Variants in EIF4B observed in about 807,000 individuals in gnomAD.
EIF4B encodes the protein eukaryotic translation initiation factor 4B.
Under a neutral mutation model 79.3 loss-of-function variants are expected in EIF4B, and 8 were observed. The ratio of observed to expected loss-of-function variants is 0.10; its 90% CI spans 0.06 to 0.18. The LOEUF (loss-of-function observed/expected upper bound fraction) is 0.18. EIF4B is among the 10% of genes least tolerant of loss of function. The pLI is 1.00. For missense variants in EIF4B, 515 were observed against 792.4 expected, an observed-to-expected ratio of 0.65 and a Z score of 4.20; for synonymous variants, 238 against 274.7, an observed-to-expected ratio of 0.87 and a Z score of 1.32.
rs148135253 is a variant in EIF4B at position 53,009,329 on chromosome 12, G to T, written c.13+2833G>T. On this transcript the variant is annotated intron_variant, in intron 1 of 14. Coordinates refer to ENST00000262056, the MANE Select transcript of EIF4B (RefSeq NM_001417.7). ...ACCTGAGAACAGGAGTTCGAGACCA[G>T]CCTGGCCAACATGGTGAAACCCAGT... Among the ~76,000 whole-genome samples, 70 of 152,068 alleles carry T rather than the reference G, an allele frequency of 4.6e-4. No individual in the cohort carries two copies. The East Asian group carries it at 0.013, about 28-fold the overall frequency.
At chr12:53,036,542 T>G (rs1736791150) in intron 10 of EIF4B, among the ~76,000 whole-genome samples, 1 of 152,050 alleles carries the variant, frequency 6.6e-6, no homozygotes, top group African/African-American at 2.4e-5. Context: ...AAGTAGCTGT[T>G]ATACGACGGG....
chr12:53,009,678 G>T (rs1943030230), intron 1 of EIF4B, among the ~76,000 whole-genome samples: 1 of 152,160 alleles, frequency 6.6e-6, no homozygotes, highest in Admixed American at 6.5e-5. Context: ...ACAGTGAAAT[G>T]GTTTTAAGGG....
At position 53,040,186 on chromosome 12, in the gene EIF4B, G is replaced by T. The variant is rs1304935400; in HGVS notation, c.1799G>T (p.Gly600Val). The change falls in exon 15 of 15, where the codon GGT (glycine) becomes GTT (valine). Residue 600 changes from glycine to valine, a missense_variant. Coordinates refer to ENST00000262056, the MANE Select transcript of EIF4B (RefSeq NM_001417.7). Reference sequence around the variant, plus strand: ...AAGTATGCTGCTCTCTCTGTTGATGGTGAAGATGAAAATGAGGGAGAAGAT... The same window carrying T: ...AAGTATGCTGCTCTCTCTGTTGATGTTGAAGATGAAAATGAGGGAGAAGAT... ...ASKYAALSVD[G>V]EDENEGEDYA... 1.2e-6 allele frequency: 2 copies of T among 1,614,110 alleles called. No individual in the cohort carries two copies. The highest frequency in any genetic ancestry group is 1.7e-6 in the Non-Finnish European group (2 of 1,180,002).
intron 1 of EIF4B, among the ~76,000 whole-genome samples, chr12:53,010,125 C>T (rs954497481): frequency 4.6e-5 from 7 of 152,164 alleles, no homozygotes; most frequent in African/African-American, 7.2e-5. Context: ...GCATGGCATG[C>T]ATTGGGCACT....
In EIF4B at chr12:53,037,748, T is replaced by C. The variant is rs962348872; in HGVS notation, c.1520+126T>C. On this transcript the variant is annotated intron_variant, in intron 11 of 14. Transcript: ENST00000262056. ...CTTATAAGTTATGCTGGCTTTAGTCTCTTAGTGTGCTGGAACTGGCTCATA... is the reference window on the plus strand; with the variant it reads ...CTTATAAGTTATGCTGGCTTTAGTCCCTTAGTGTGCTGGAACTGGCTCATA... 3 of 1,056,870 alleles carry C rather than the reference T, an allele frequency of 2.8e-6. No homozygotes were observed. In the African/African-American group the frequency reaches 4.8e-5, roughly 17 times the overall value. The allele number at this position is 1,056,870 out of a possible 1,614,324, so 65.5% of individuals were successfully genotyped here. A position where few individuals can be genotyped will look rare whatever the true frequency, so the allele number is the denominator to read the frequency against.
At position 53,041,968 on chromosome 12, in the gene EIF4B, CAAAT is replaced by C. The variant is rs1468245244; in HGVS notation, c.*1747_*1750del. 1 of 152,568 alleles carries C rather than the reference CAAAT, an allele frequency of 6.6e-6. No homozygotes were observed. Among genetic ancestry groups the C allele is most frequent in the Non-Finnish European group, 1.5e-5 (1 of 68,036 alleles). 9.5% of individuals were successfully genotyped at this position (152,568 alleles called of 1,614,324 possible). On this transcript the variant is annotated 3_prime_UTR_variant, in exon 15 of 15. Transcript: ENST00000262056. ...GCCCTCTTCATGTCTACTCTCCTTC[CAAAT>C]AGTTATATCCAAAACTGTTTTTCCC... is the stretch of plus-strand genomic sequence containing the variant.
At chr12:53,028,470 G>A (rs1943378638) in intron 8 of EIF4B, among the ~76,000 whole-genome samples, 1 of 151,678 alleles carries the variant, frequency 6.6e-6, no homozygotes, top group African/African-American at 2.4e-5. Context: ...GAGAAGAATG[G>A]TGGGAACCCG....
At position 53,040,908 on chromosome 12, in the gene EIF4B, A is replaced by C. The variant is rs998932989; in HGVS notation, c.*685A>C. 9.9e-5 allele frequency: 15 copies of C among 152,074 alleles called. No individual in the cohort carries two copies. The highest frequency in any genetic ancestry group is 3.6e-4 in the African/African-American group (15 of 41,412). The allele number at this position is 152,074 out of a possible 1,614,324, so 9.4% of individuals were successfully genotyped here. ...GTGGTTTGAAAAGAAGCTTTTGGGAAGTGATGAGTCATTTTGCACCAGGTA... is the reference window on the plus strand; with the variant it reads ...GTGGTTTGAAAAGAAGCTTTTGGGACGTGATGAGTCATTTTGCACCAGGTA... On this transcript the variant is annotated 3_prime_UTR_variant, in exon 15 of 15. Transcript: ENST00000262056.
chr12:53,037,356 A>T, intron 10 of EIF4B, 53 bp from the exon 11 acceptor site: 14 of 1,564,094 alleles, frequency 9.0e-6, no homozygotes, highest in Non-Finnish European at 1.2e-5. Flanking sequence ...ATCCTGGTAG[A>T]TGCGTGAGCA....
At position 53,028,136 on chromosome 12, in the gene EIF4B, G is replaced by A. The variant is rs200024385; in HGVS notation, c.927G>A (p.Ser309=). The A allele has an allele frequency of 4.3e-5, 70 of 1,613,792 alleles. No homozygotes were observed. The highest frequency in any genetic ancestry group is 2.2e-4 in the South Asian group (20 of 91,010). Residue 309 remains serine (S), a synonymous_variant, in exon 8 of 15, where the codon TCG becomes TCA. Coordinates refer to ENST00000262056, the MANE Select transcript of EIF4B (RefSeq NM_001417.7). ...GATATGACAGACGGGATGATCGGTCGTGGAGCTCCAGAGATGATTACTCTC... is the reference window on the plus strand; with the variant it reads ...GATATGACAGACGGGATGATCGGTCATGGAGCTCCAGAGATGATTACTCTC... ...EDRYDRRDDR[S]WSSRDDYSRD... is the part of the protein sequence containing the mutation.
chr12:53,025,603 A>G (rs2120938263), intron 6 of EIF4B, among the ~76,000 whole-genome samples: 1 of 152,326 alleles, frequency 6.6e-6, no homozygotes, highest in African/African-American at 2.4e-5. Context: ...TGTAAATCGC[A>G]TCTCCAGAAA....
chr12:53,037,271 T>C, intron 10 of EIF4B, 138 bp from the exon 11 acceptor site: 1 of 896,900 alleles, frequency 1.1e-6, no homozygotes, highest in Non-Finnish European at 1.7e-6. Context: ...GAAATACTTG[T>C]AAACCACTGG....
At chr12:53,020,112 A>C in intron 4 of EIF4B, 86 bp downstream of exon 4, 1 of 1,105,956 alleles carries the variant, frequency 9.0e-7, no homozygotes, top group Non-Finnish European at 1.3e-6. Context: ...TTAGGTTGAG[A>C]GGCTCACTTC....
intron 1 of EIF4B, chr12:53,014,563 C>G (rs1943118203): frequency 6.6e-6 from 1 of 152,212 alleles, no homozygotes; most frequent in South Asian, 2.1e-4. Context: ...CCGGGTTCAT[C>G]TGGTTTGCAC....
chr12:53,022,403 T>C (rs1943260427), intron 5 of EIF4B, 90 bp from the exon 6 acceptor site: 2 of 1,567,146 alleles, frequency 1.3e-6, no homozygotes, highest in East Asian at 2.2e-5. Flanking sequence ...AAGTGAAAAA[T>C]AGGGTAAAAT....
chr12:53,031,445 T>C (rs1943444901), intron 8 of EIF4B, among the ~76,000 whole-genome samples: 1 of 152,180 alleles, frequency 6.6e-6, no homozygotes, highest in Non-Finnish European at 1.5e-5. Flanking sequence ...CTGGCTAATT[T>C]TGATATTTTT....
chr12:53,028,641 A>G (rs1159439970), intron 8 of EIF4B, among the ~76,000 whole-genome samples: 2 of 151,966 alleles, frequency 1.3e-5, no homozygotes, highest in Admixed American at 1.3e-4. Context: ...GCCTTCACAG[A>G]TAGATTTTTC....
In EIF4B at chr12:53,041,491, A is replaced by G. The variant is rs1269755478; in HGVS notation, c.*1268A>G. 1.4e-5 allele frequency: 1 copy of G among 72,308 alleles called. No homozygotes were observed. Among genetic ancestry groups the G allele is most frequent in the Non-Finnish European group, 3.0e-5 (1 of 32,810 alleles). The allele number at this position is 72,308 out of a possible 1,614,324, so 4.5% of individuals were successfully genotyped here. On this transcript the variant is annotated 3_prime_UTR_variant, in exon 15 of 15. Transcript: ENST00000262056. ...TTGGATTCATGAGGTGGCCAGACCA[A>G]TGTGTTGTTTTGTTGTTGTTTTTTT...
At chr12:53,038,958 C>A in intron 12 of EIF4B, 1 of 267,422 alleles carries the variant, frequency 3.7e-6, no homozygotes, top group Non-Finnish European at 7.0e-6. Context: ...GGAAATTAAC[C>A]AAGGTCACTA....
Sources: gnomAD v4.1 joint callset for allele counts (sites outside exome capture counted in the v4.1 genomes callset) on GRCh38, gnomAD v4.1.1 for gene constraint, MANE v1.5 for transcripts, NCBI Gene and HGNC (gene_info 2026-07-23, HGNC 2026-07-21) for gene names.